The following GGA3 variants were observed in gnomAD, a reference collection of about 807,000 sequenced individuals.
GGA3 encodes ADP-ribosylation factor-binding protein GGA3.
GGA3 carries 57 observed loss-of-function variants against 77.5 expected under a neutral mutation model. The observed-to-expected ratio is 0.74, with a 90% CI of 0.59 to 0.92. The LOEUF (loss-of-function observed/expected upper bound fraction) is 0.92. Among genes scored for constraint, GGA3 ranks in the 40% least tolerant of loss-of-function variants. The pLI, the probability that GGA3 is intolerant of heterozygous loss-of-function variation, is 0.00. For synonymous variants in GGA3, 416 were observed against 383.7 expected (o/e 1.08, Z -0.98); for missense variants, 970 against 914.9 (o/e 1.06, Z -0.78).
At position 75,261,563 on chromosome 17, in the gene GGA3, G is replaced by A. The variant is rs925244115; in HGVS notation, c.25C>T (p.Leu9=). The stretch of plus-strand genomic sequence containing the variant: ...GGCTACTCACTGAGCCAGGACTCCA[G>A]GCTTTCCCCTTCCGCCTCCGCCATA... MAEAEGES[L]ESWLNKATNP... Residue 9 remains leucine (L), a synonymous_variant, in exon 1 of 17, where the codon CTG becomes TTG. Coordinates refer to ENST00000537686, the MANE Select transcript of GGA3 (RefSeq NM_138619.4). 3.9e-6 allele frequency: 6 copies of A among 1,556,126 alleles called. No homozygotes were observed. In the African/African-American group the frequency reaches 5.5e-5, roughly 14 times the overall value.
chr17:75,248,885 G>A (rs928212933), intron 1 of GGA3: 7 of 984,790 alleles, frequency 7.1e-6, no homozygotes, highest in Non-Finnish European at 7.2e-6. Flanking sequence ...TCCTTCACTG[G>A]CAACAGGGCT....
chr17:75,240,510 A>G (rs2076508967), intron 11 of GGA3, 98 bp from the exon 12 acceptor site: 1 of 794,562 alleles, frequency 1.3e-6, no homozygotes, highest in Non-Finnish European at 2.1e-6. Context: ...AGTGACATCA[A>G]TGGGTGAAGG....
intron 1 of GGA3, among the ~76,000 whole-genome samples, chr17:75,259,758 A>G (rs139241594): frequency 2.0e-5 from 2 of 102,170 alleles, no homozygotes; most frequent in Non-Finnish European, 4.5e-5. Flanking sequence ...GGTTTGTTCA[A>G]CTGGTACAGT....
chr17:75,242,090 G>A, intron 8 of GGA3: 1 of 583,972 alleles, frequency 1.7e-6, no homozygotes, highest in East Asian at 2.9e-5. Context: ...CCGAGAGTGT[G>A]GTCTCTGGAG....
chr17:75,261,149 A>G (rs1321531708), intron 1 of GGA3, among the ~76,000 whole-genome samples: 4 of 152,234 alleles, frequency 2.6e-5, no homozygotes, highest in East Asian at 3.8e-4. Flanking sequence ...CTCAGCCCCA[A>G]TCCGAAGCTT....
intron 16 of GGA3, 105 bp from the exon 17 acceptor site, chr17:75,238,494 G>T (rs750670997): frequency 1.8e-6 from 2 of 1,083,434 alleles, no homozygotes; most frequent in Non-Finnish European, 2.7e-6. Context: ...CCTTTTCCCC[G>T]CAACCCCCAA....
chr17:75,237,200 C>A lies in GGA3; in HGVS notation c.*1079G>T. On this transcript the variant is annotated 3_prime_UTR_variant, in exon 17 of 17. Transcript: ENST00000537686. ...AGCAATAGGGTCTGGTGACTCAGCT[C>A]AAGTGTGGCCCGATCTCATCACCTC... 1 of 556,486 alleles carries A rather than the reference C, an allele frequency of 1.8e-6. No homozygotes were observed. Among genetic ancestry groups the A allele is most frequent in the Admixed American group, 3.2e-5 (1 of 31,096 alleles). 34.5% of individuals were successfully genotyped at this position (556,486 alleles called of 1,614,324 possible).
Position 75,242,918 on chromosome 17 carries a change from G to A in GGA3, c.529-7C>T. ...TCAGCAGCTTGGCTAAAAGCTGAGA[G>A]AGGAGGAAATCAGAGGTGAAGGGAA... On this transcript the variant is annotated splice_polypyrimidine_tract_variant and splice_region_variant and intron_variant, in intron 6 of 16. Coordinates refer to ENST00000537686, the MANE Select transcript of GGA3 (RefSeq NM_138619.4). 1 of 1,611,192 alleles carries A rather than the reference G, an allele frequency of 6.2e-7. No individual in the cohort carries two copies. Among genetic ancestry groups the A allele is most frequent in the Non-Finnish European group, 8.5e-7 (1 of 1,177,274 alleles).
In GGA3 at chr17:75,243,120, G is replaced by T. The variant is rs769961258; in HGVS notation, c.471C>A (p.Ile157=). The change falls in exon 6 of 17, where the codon ATC becomes ATA. Residue 157 remains isoleucine, a synonymous_variant. Transcript: ENST00000537686. ...DPPIPVDRTL[I]PSPPPRPKNP... is the part of the protein sequence containing the mutation. Reference sequence around the variant, plus strand: ...TTTTGGGACGAGGTGGTGGAGAGGGGATCAGCGTCCTATCCACAGGAATTG... The same window carrying T: ...TTTTGGGACGAGGTGGTGGAGAGGGTATCAGCGTCCTATCCACAGGAATTG... The T allele has an allele frequency of 6.2e-7, 1 of 1,613,146 alleles. No individual in the cohort carries two copies. Among genetic ancestry groups the T allele is most frequent in the African/African-American group, 1.3e-5 (1 of 74,840 alleles).
intron 1 of GGA3, among the ~76,000 whole-genome samples, chr17:75,259,198 C>T (rs905224727): frequency 6.6e-6 from 1 of 152,156 alleles, no homozygotes; most frequent in African/African-American, 2.4e-5. Context: ...TCGTGATCCA[C>T]CCGCCTCGGC....
chr17:75,241,078 G>C, intron 10 of GGA3, 21 bp from the exon 11 acceptor site: 5 of 1,613,904 alleles, frequency 3.1e-6, no homozygotes, highest in Non-Finnish European at 4.2e-6. Flanking sequence ...CAACAGAGCA[G>C]AACAGGAATA....
Position 75,257,287 on chromosome 17 carries a change from C to CG in GGA3, c.40+4260_40+4261insC, listed in dbSNP as rs1280624794. Among the ~76,000 whole-genome samples the CG allele has an allele frequency of 7.3e-4, 54 of 73,734 alleles. 1 individual carries two copies. In the Middle Eastern group the frequency reaches 0.016, roughly 22 times the overall value. The allele number at this position is 73,734 out of a possible 152,430, so 48.4% of individuals were successfully genotyped here. A position where few individuals can be genotyped will look rare whatever the true frequency, so the allele number is the denominator to read the frequency against. ...GACCAACTTAGACTGTGCCCCCCCCCCCAAAAAAAACCTGTCATCATCCCT... is the reference window on the plus strand; with the variant it reads ...GACCAACTTAGACTGTGCCCCCCCCCGCCAAAAAAAACCTGTCATCATCCCT... On this transcript the variant is annotated intron_variant, in intron 1 of 16. Transcript: ENST00000537686.
chr17:75,240,194 CG>C (rs2076493252), intron 12 of GGA3, 86 bp from the exon 13 acceptor site: 1 of 1,247,042 alleles, frequency 8.0e-7, no homozygotes, highest in African/African-American at 1.5e-5. Flanking sequence ...AAGGACTGCA[CG>C]GAAGACAGCC....
chr17:75,238,853 A>G, intron 15 of GGA3, 61 bp downstream of exon 15: 2 of 1,591,642 alleles, frequency 1.3e-6, no homozygotes, highest in Non-Finnish European at 1.7e-6. Context: ...TGCTGGCTGC[A>G]AAGGCCTCTA....
intron 1 of GGA3, among the ~76,000 whole-genome samples, chr17:75,260,331 G>A (rs1206402969): frequency 6.6e-6 from 1 of 152,164 alleles, no homozygotes; most frequent in Non-Finnish European, 1.5e-5. Context: ...TCCTCTTTTT[G>A]TGAAATTATG....
chr17:75,239,682 CCTGA>C lies in GGA3; in HGVS notation c.1583+103_1583+106del, dbSNP rs1417418113. On this transcript the variant is annotated intron_variant, in intron 13 of 16. Coordinates refer to ENST00000537686, the MANE Select transcript of GGA3 (RefSeq NM_138619.4). ...CCCAGGCCCACCCCTTGCCTTCCAG[CCTGA>C]CTGATGGGACTACAAGGCACCCCCA... 3.4e-5 allele frequency: 50 copies of C among 1,484,080 alleles called. No homozygotes were observed. The East Asian group carries it at 1.1e-3, about 34-fold the overall frequency. The allele number at this position is 1,484,080 out of a possible 1,614,324, so 91.9% of individuals were successfully genotyped here.
In GGA3 at chr17:75,242,171, G is replaced by A. The variant is rs149365969; in HGVS notation, c.747+165C>T. 1.3e-4 allele frequency: 95 copies of A among 740,078 alleles called. 2 individuals carry two copies. The highest frequency in any genetic ancestry group is 1.3e-3 in the African/African-American group (73 of 57,516). The allele number at this position is 740,078 out of a possible 1,614,324, so 45.8% of individuals were successfully genotyped here. A position where few individuals can be genotyped will look rare whatever the true frequency, so the allele number is the denominator to read the frequency against. On this transcript the variant is annotated intron_variant, in intron 8 of 16. Coordinates refer to ENST00000537686, the MANE Select transcript of GGA3 (RefSeq NM_138619.4). ...CTGATCCCAGGAGGCAAATGGGGACGCCACCCTCTACTGACGTGGCTGCTG... is the reference window on the plus strand; with the variant it reads ...CTGATCCCAGGAGGCAAATGGGGACACCACCCTCTACTGACGTGGCTGCTG...
At chr17:75,241,163 C>CGAT in intron 10 of GGA3, 106 bp from the exon 11 acceptor site, 1 of 1,329,754 alleles carries the variant, frequency 7.5e-7, no homozygotes, top group Non-Finnish European at 1.1e-6. Context: ...AGCCTCTGGC[C>CGAT]TAATCCAACG....
chr17:75,253,572 T>G (rs576417658), intron 1 of GGA3, among the ~76,000 whole-genome samples: 1 of 152,152 alleles, frequency 6.6e-6, no homozygotes, highest in African/African-American at 2.4e-5. Context: ...TCTGCATTTC[T>G]GGGGGAGGGG....
Sources: allele counts gnomAD v4.1 joint callset (sites outside exome capture counted in the v4.1 genomes callset), GRCh38; gene constraint gnomAD v4.1.1; transcripts MANE v1.5; gene names NCBI Gene and HGNC (gene_info 2026-07-23, HGNC 2026-07-21).